ANKRD11: variants seen among roughly 807,000 people sequenced by gnomAD.
ANKRD11 encodes the protein ankyrin repeat domain 11.
A neutral mutation model predicts 195.7 loss-of-function variants in ANKRD11; 17 were observed. That is an observed-to-expected ratio of 0.09 (90% CI 0.06 to 0.13). The LOEUF is 0.13. Ranked by LOEUF, ANKRD11 falls within the 10% of genes least tolerant of loss-of-function variation. The pLI, the probability that ANKRD11 is intolerant of heterozygous loss-of-function variation, is 1.00. For missense variants in ANKRD11, 3,735 were observed against 3,566.1 expected (o/e 1.05, Z -1.21); for synonymous variants, 1,953 against 1,528.1 (o/e 1.28, Z -6.49).
intron 4 of ANKRD11, among the ~76,000 whole-genome samples, chr16:89,304,219 G>T (rs1391112445): frequency 1.3e-5 from 2 of 152,224 alleles, no homozygotes; most frequent in Non-Finnish European, 2.9e-5. Flanking sequence ...CACTGCAGAA[G>T]GCGCTGACCC....
chr16:89,379,299 A>C (rs1275081398), intron 2 of ANKRD11, among the ~76,000 whole-genome samples: 1 of 152,230 alleles, frequency 6.6e-6, no homozygotes, highest in Non-Finnish European at 1.5e-5. Flanking sequence ...ACCTTGTGCC[A>C]GTTCCTAAGT....
intron 1 of ANKRD11, among the ~76,000 whole-genome samples, chr16:89,470,233 A>C (rs2057030169): frequency 6.6e-6 from 1 of 152,088 alleles, no homozygotes; most frequent in Non-Finnish European, 1.5e-5. Flanking sequence ...CCCAATTCTT[A>C]CAAGAAAACC....
intron 2 of ANKRD11, among the ~76,000 whole-genome samples, chr16:89,355,717 T>C (rs2039439832): frequency 6.6e-6 from 1 of 152,246 alleles, no homozygotes. Flanking sequence ...GAACTTCATC[T>C]TGTTATGAGC....
At chr16:89,274,087 G>C (rs2033424726) in intron 11 of ANKRD11, among the ~76,000 whole-genome samples, 1 of 152,222 alleles carries the variant, frequency 6.6e-6, no homozygotes, top group Non-Finnish European at 1.5e-5. Flanking sequence ...GGACAGGTCA[G>C]TGGTGGCTGG....
At chr16:89,442,593 C>T (rs2911266) in intron 1 of ANKRD11, among the ~76,000 whole-genome samples, 58,459 of 152,014 alleles carry the variant, frequency 0.38, 12,276 homozygotes, top group East Asian at 0.64. Flanking sequence ...CATTCAGGAA[C>T]GGTTTTACGC....
chr16:89,331,629 A>T (rs561022987), intron 2 of ANKRD11, among the ~76,000 whole-genome samples: 3 of 151,992 alleles, frequency 2.0e-5, no homozygotes, highest in African/African-American at 2.4e-5. Context: ...AGATTTATAG[A>T]TATGTATTTA....
In ANKRD11 at chr16:89,291,704, T is replaced by C; in HGVS notation, c.227-521A>G. ...ACCTTTCTTCTTGCTTCTAGGAACC[T>C]CCATCTCATGCCATGGTGCTTCGAG... On this transcript the variant is annotated intron_variant, in intron 4 of 12. Coordinates refer to ENST00000301030, the MANE Select transcript of ANKRD11 (RefSeq NM_013275.6). The surrounding 1 kb of genome is among the most constrained non-coding windows in gnomAD (Gnocchi z 5.3). 7.8e-7 allele frequency: 1 copy of C among 1,289,806 alleles called. No individual in the cohort carries two copies. 79.9% of individuals were successfully genotyped at this position (1,289,806 alleles called of 1,614,324 possible).
chr16:89,281,678 CCTT>C lies in ANKRD11; in HGVS notation c.4861_4863del (p.Lys1621del). 1 of 1,614,178 alleles carries C rather than the reference CCTT, an allele frequency of 6.2e-7. No homozygotes were observed. The highest frequency in any genetic ancestry group is 2.2e-5 in the East Asian group (1 of 44,876). On this transcript the variant is annotated inframe_deletion, in exon 9 of 13. Coordinates refer to ENST00000301030, the MANE Select transcript of ANKRD11 (RefSeq NM_013275.6). The surrounding 1 kb of genome is among the most constrained non-coding windows in gnomAD (Gnocchi z 5.5). ...CCGTCGTCTGCCGGCTTCGCCTTCT[CCTT>C]GAGCTTGGGGTCTCCGGACCGGTGC...
At chr16:89,346,765 C>T (rs1297469227) in intron 2 of ANKRD11, among the ~76,000 whole-genome samples, 1 of 152,106 alleles carries the variant, frequency 6.6e-6, no homozygotes, top group African/African-American at 2.4e-5. Context: ...TTATATTTAT[C>T]GCTAGAAGAC....
intron 7 of ANKRD11, chr16:89,288,055 G>A: frequency 1.8e-6 from 1 of 555,940 alleles, no homozygotes. Context: ...AGACCTCTCA[G>A]TGCCCACTGC....
intron 3 of ANKRD11, among the ~76,000 whole-genome samples, chr16:89,306,291 C>T (rs1354248273): frequency 5.9e-5 from 6 of 101,170 alleles, no homozygotes; most frequent in African/African-American, 2.5e-4. Flanking sequence ...CGCAGACACA[C>T]GCCACCTACC....
At chr16:89,440,897 T>C (rs930927224) in intron 1 of ANKRD11, among the ~76,000 whole-genome samples, 1 of 152,156 alleles carries the variant, frequency 6.6e-6, no homozygotes, top group African/African-American at 2.4e-5. Flanking sequence ...CTGGTGTGTG[T>C]CACAGTCAAA....
At chr16:89,327,938 G>A (rs1186937518) in intron 2 of ANKRD11, among the ~76,000 whole-genome samples, 1 of 152,344 alleles carries the variant, frequency 6.6e-6, no homozygotes, top group African/African-American at 2.4e-5. Flanking sequence ...AGTTTAAAGA[G>A]TGAAAAGACA....
intron 9 of ANKRD11, among the ~76,000 whole-genome samples, chr16:89,276,641 C>G (rs1021272665): frequency 6.6e-6 from 1 of 152,242 alleles, no homozygotes; most frequent in Non-Finnish European, 1.5e-5. Flanking sequence ...CGTGGACGCA[C>G]GGCAGGGTCT....
intron 2 of ANKRD11, among the ~76,000 whole-genome samples, chr16:89,409,668 G>A (rs1444200896): frequency 6.6e-6 from 1 of 152,098 alleles, no homozygotes. Context: ...ACACACACAC[G>A]AAAACTGGTT....
intron 2 of ANKRD11, among the ~76,000 whole-genome samples, chr16:89,331,201 G>A (rs1306610239): frequency 6.6e-6 from 1 of 152,242 alleles, no homozygotes; most frequent in Non-Finnish European, 1.5e-5. Context: ...TGATCTGCCT[G>A]CTTTGGATTC....
chr16:89,306,381 T>C (rs1168120715), intron 3 of ANKRD11, among the ~76,000 whole-genome samples: 11 of 28,790 alleles, frequency 3.8e-4, no homozygotes, highest in Non-Finnish European at 4.2e-4. Context: ...ACGCGCCACT[T>C]ACCTCCCACT....
intron 2 of ANKRD11, chr16:89,343,600 G>C (rs1420894455): frequency 6.6e-6 from 1 of 152,202 alleles, no homozygotes; most frequent in Non-Finnish European, 1.5e-5. Flanking sequence ...AATTCACCTC[G>C]TTCAGAACCT....
chr16:89,477,209 T>G (rs77924300), intron 1 of ANKRD11, among the ~76,000 whole-genome samples: 1 of 151,430 alleles, frequency 6.6e-6, no homozygotes, highest in African/African-American at 2.4e-5. Flanking sequence ...TTTTTTTTTT[T>G]GGAGACAGAG....
Sources: allele counts gnomAD v4.1 joint callset (sites outside exome capture counted in the v4.1 genomes callset), GRCh38; gene constraint gnomAD v4.1.1; non-coding constraint Gnocchi (gnomAD v3.1); transcripts MANE v1.5; gene names NCBI Gene and HGNC (gene_info 2026-07-23, HGNC 2026-07-21).